The following MTA3 variants were observed in gnomAD, a reference collection of about 807,000 sequenced individuals.
MTA3 encodes metastasis associated 1 family member 3, also known as metastasis-associated protein MTA3.
In MTA3, 34 loss-of-function variants were observed where a neutral mutation model predicts 83.5. The ratio of observed to expected loss-of-function variants is 0.41; its 90% CI spans 0.31 to 0.54. MTA3 has a LOEUF of 0.54. Among genes scored for constraint, MTA3 ranks in the 20% least tolerant of loss-of-function variants. The pLI is 0.33. For missense variants in MTA3, 761 were observed against 726.4 expected (o/e 1.05, Z -0.55); for synonymous variants, 303 against 252.7 (o/e 1.20, Z -1.89).
chr2:42,587,491 C>G (rs938236235), intron 3 of MTA3, among the ~76,000 whole-genome samples: 1 of 152,096 alleles, frequency 6.6e-6, no homozygotes, highest in Non-Finnish European at 1.5e-5. Flanking sequence ...AAAATACATA[C>G]AAAAATGTAT....
intron 7 of MTA3, among the ~76,000 whole-genome samples, chr2:42,659,285 A>T (rs1689455843): frequency 6.6e-6 from 1 of 152,208 alleles, no homozygotes; most frequent in African/African-American, 2.4e-5. Flanking sequence ...AGATTTTAGT[A>T]GAAATCTGTT....
At position 42,708,070 on chromosome 2, in the gene MTA3, T is replaced by C; in HGVS notation, c.1302+16T>C. ...AACTACAGAGGTACAGTAGTCTTTT[T>C]AGTGTTGAAAAATGGCATGTTTTTA... is the stretch of plus-strand genomic sequence containing the variant. On this transcript the variant is annotated intron_variant, in intron 13 of 16. Coordinates refer to ENST00000405094, the MANE Select transcript of MTA3 (RefSeq NM_001330442.2). The C allele has an allele frequency of 6.3e-7, 1 of 1,588,880 alleles. No individual in the cohort carries two copies.
At chr2:42,679,738 C>T (rs752901888) in intron 8 of MTA3, among the ~76,000 whole-genome samples, 9 of 152,168 alleles carry the variant, frequency 5.9e-5, no homozygotes, top group Non-Finnish European at 1.2e-4. Context: ...CCAAGGATTA[C>T]CTCCATGCTA....
chr2:42,540,009 A>C (rs761876620), intron 2 of MTA3, among the ~76,000 whole-genome samples: 4 of 152,066 alleles, frequency 2.6e-5, no homozygotes, highest in Non-Finnish European at 5.9e-5. Context: ...CACCAGAAAG[A>C]AGCTGCACCT....
intron 8 of MTA3, among the ~76,000 whole-genome samples, chr2:42,679,837 G>GT (rs71410125): frequency 0.019 from 2,688 of 139,450 alleles, 86 homozygotes; most frequent in African/African-American, 0.061. Context: ...ATGGCTGTGT[G>GT]TTGTTTTTTT....
intron 8 of MTA3, among the ~76,000 whole-genome samples, chr2:42,665,206 A>G (rs1459370006): frequency 6.6e-6 from 1 of 152,194 alleles, no homozygotes; most frequent in African/African-American, 2.4e-5. Context: ...AGCCTGGGCA[A>G]CATAGTGAAA....
chr2:42,706,524 G>T (rs1342766510), intron 12 of MTA3, among the ~76,000 whole-genome samples: 3 of 152,148 alleles, frequency 2.0e-5, no homozygotes, highest in African/African-American at 7.2e-5. Context: ...ACATTGGTTT[G>T]TGAAGTGTTA....
At chr2:42,528,745 A>G in intron 2 of MTA3, among the ~76,000 whole-genome samples, 1 of 152,230 alleles carries the variant, frequency 6.6e-6, no homozygotes, top group Non-Finnish European at 1.5e-5. Flanking sequence ...TGTTAAAAGA[A>G]AGACTTTAGA....
intron 2 of MTA3, among the ~76,000 whole-genome samples, chr2:42,496,261 G>A (rs1674126661): frequency 6.6e-6 from 1 of 152,092 alleles, no homozygotes; most frequent in African/African-American, 2.4e-5. Flanking sequence ...AGAGAGATAG[G>A]CTTAAATCAT....
chr2:42,641,206 C>A (rs371392841), intron 5 of MTA3, among the ~76,000 whole-genome samples: 2 of 145,330 alleles, frequency 1.4e-5, no homozygotes, highest in African/African-American at 2.6e-5. Flanking sequence ...TGTGCCTGGC[C>A]GGTTTTTTTT....
At position 42,644,264 on chromosome 2, in the gene MTA3, T is replaced by G. The variant is rs765481760; in HGVS notation, c.499+20T>G. 32 of 1,530,082 alleles carry G rather than the reference T, an allele frequency of 2.1e-5. No individual in the cohort carries two copies. The highest frequency in any genetic ancestry group is 2.7e-5 in the African/African-American group (2 of 72,852). The allele number at this position is 1,530,082 out of a possible 1,614,324, so 94.8% of individuals were successfully genotyped here. ...TAGAAGGTACGTTTTTCTGCGTGTT[T>G]GCAGTTTTGTGAAACAAATATATCT... On this transcript the variant is annotated intron_variant, in intron 6 of 16. Transcript: ENST00000405094.
intron 9 of MTA3, chr2:42,682,808 C>T: frequency 2.1e-6 from 1 of 468,182 alleles, no homozygotes; most frequent in East Asian, 3.6e-5. Context: ...TACGGTGGCT[C>T]ACGTCTGTAA....
chr2:42,557,336 C>T lies in MTA3; in HGVS notation c.-140-13101C>T, dbSNP rs1232308197. On this transcript the variant is annotated intron_variant, in intron 2 of 17. Transcript: ENST00000405592. ...AAAAAAAAACACAGTCCAGATTTTTCTTCATTGTTCTAGAAGCCTGGAGGG... is the reference window on the plus strand; with the variant it reads ...AAAAAAAAACACAGTCCAGATTTTTTTTCATTGTTCTAGAAGCCTGGAGGG... Among the ~76,000 whole-genome samples the T allele has an allele frequency of 7.7e-5, 10 of 130,148 alleles. No individual in the cohort carries two copies. The South Asian group carries it at 2.8e-3, about 36-fold the overall frequency. 85.4% of individuals were successfully genotyped at this position (130,148 alleles called of 152,430 possible). A position where few individuals can be genotyped will look rare whatever the true frequency, so the allele number is the denominator to read the frequency against.
intron 2 of MTA3, among the ~76,000 whole-genome samples, chr2:42,551,112 A>G (rs1677089236): frequency 6.6e-6 from 1 of 152,052 alleles, no homozygotes; most frequent in South Asian, 2.1e-4. Flanking sequence ...AGAATAGTAG[A>G]TGAAGAAGAC....
intron 2 of MTA3, among the ~76,000 whole-genome samples, chr2:42,542,973 G>A (rs1210306501): frequency 1.3e-5 from 2 of 152,118 alleles, no homozygotes; most frequent in African/African-American, 4.8e-5. Context: ...GTCTCCCCGA[G>A]GAGTTTGGGG....
intron 12 of MTA3, among the ~76,000 whole-genome samples, 179 bp downstream of exon 12, chr2:42,704,497 A>T (rs1665894694): frequency 6.6e-6 from 1 of 152,084 alleles, no homozygotes. Flanking sequence ...TGTTTATTGA[A>T]TCCTTATTAC....
chr2:42,718,372 C>T (rs1433326403), intron 14 of MTA3, among the ~76,000 whole-genome samples: 3 of 151,706 alleles, frequency 2.0e-5, no homozygotes, highest in Non-Finnish European at 4.4e-5. Context: ...CTCAGCCTCC[C>T]GAGTAGCTGG....
intron 6 of MTA3, among the ~76,000 whole-genome samples, chr2:42,652,202 A>G (rs1484190765): frequency 6.6e-6 from 1 of 152,226 alleles, no homozygotes; most frequent in Non-Finnish European, 1.5e-5. Context: ...GTAATCTCCA[A>G]GCTGCCTTCA....
chr2:42,536,418 T>C (rs1186603754), intron 2 of MTA3, among the ~76,000 whole-genome samples: 1 of 151,750 alleles, frequency 6.6e-6, no homozygotes, highest in Non-Finnish European at 1.5e-5. Context: ...GAGGTTGCAG[T>C]GAGCTGAGAT....
Sources: gnomAD v4.1 joint callset for allele counts (sites outside exome capture counted in the v4.1 genomes callset) on GRCh38, gnomAD v4.1.1 for gene constraint, MANE v1.5 for transcripts, NCBI Gene and HGNC (gene_info 2026-07-23, HGNC 2026-07-21) for gene names.